IQGAP1: variants seen among roughly 807,000 people sequenced by gnomAD.
IQGAP1 encodes the protein IQ motif containing GTPase activating protein 1, also known as ras GTPase-activating-like protein IQGAP1.
IQGAP1 carries 66 observed loss-of-function variants against 215.6 expected under a neutral mutation model. That is an observed-to-expected ratio of 0.31 (90% CI 0.25 to 0.38). The LOEUF (loss-of-function observed/expected upper bound fraction) is 0.38. IQGAP1 is among the 10% of genes least tolerant of loss of function. The pLI is 1.00. For synonymous variants in IQGAP1, 772 were observed against 728.7 expected, an observed-to-expected ratio of 1.06 and a Z score of -0.96; for missense variants, 1,712 against 1,997.1, an observed-to-expected ratio of 0.86 and a Z score of 2.72.
At chr15:90,484,079 C>T in intron 29 of IQGAP1, 141 bp from the exon 30 acceptor site, 1 of 731,354 alleles carries the variant, frequency 1.4e-6, no homozygotes, top group South Asian at 1.8e-5. Flanking sequence ...TCAAGCACAG[C>T]AAACACACAG....
chr15:90,456,620 T>A (rs1965683996), intron 15 of IQGAP1, among the ~76,000 whole-genome samples: 1 of 150,748 alleles, frequency 6.6e-6, no homozygotes, highest in Admixed American at 6.6e-5. Flanking sequence ...CGCCTTGTAA[T>A]CCCACAGCAC....
At chr15:90,487,649 A>G (rs1438401178) in intron 33 of IQGAP1, 67 bp downstream of exon 33, 1 of 1,064,188 alleles carries the variant, frequency 9.4e-7, no homozygotes, top group African/African-American at 1.6e-5. Context: ...CGCATGTCAG[A>G]GAAAGGAGGG....
chr15:90,463,423 C>T (rs749769683), intron 15 of IQGAP1, among the ~76,000 whole-genome samples: 12 of 152,140 alleles, frequency 7.9e-5, no homozygotes, highest in Non-Finnish European at 1.2e-4. Context: ...TTTTATGATA[C>T]GAGGATTTTT....
At chr15:90,436,003 A>G (rs1156994593) in intron 5 of IQGAP1, among the ~76,000 whole-genome samples, 1 of 150,838 alleles carries the variant, frequency 6.6e-6, no homozygotes, top group Non-Finnish European at 1.5e-5. Flanking sequence ...ATAAGGCTCC[A>G]TCTCCCTTTG....
intron 4 of IQGAP1, among the ~76,000 whole-genome samples, chr15:90,430,787 T>C (rs1467279187): frequency 6.6e-6 from 1 of 151,756 alleles, no homozygotes; most frequent in Non-Finnish European, 1.5e-5. Flanking sequence ...TTTAAAAAAG[T>C]GAGGTGTAGG....
rs1170904355 is a variant in IQGAP1, at chr15:90,484,258, A to G, written c.3827A>G (p.Gln1276Arg). The G allele has an allele frequency of 1.2e-6, 2 of 1,613,922 alleles. No individual in the cohort carries two copies. The highest frequency in any genetic ancestry group is 3.3e-5 in the Admixed American group (2 of 60,002). ...ACTGCTTGTGATGTCCCAGAGCTTC[A>G]GGATAAATTTAATGTGGATGAGTAC... ...FQTACDVPEL[Q>R]DKFNVDEYSD... Residue 1276 changes from glutamine (Q) to arginine (R), a missense_variant, in exon 30 of 38, where the codon CAG becomes CGG. Around this residue, in one of 2 missense-constraint regions of IQGAP1, gnomAD observed 691 missense variants for 923.0 expected, o/e 0.75. Coordinates refer to ENST00000268182, the MANE Select transcript of IQGAP1 (RefSeq NM_003870.4).
chr15:90,468,505 T>G (rs1235899834), intron 18 of IQGAP1, among the ~76,000 whole-genome samples: 1 of 152,212 alleles, frequency 6.6e-6, no homozygotes, highest in South Asian at 2.1e-4. Context: ...AATTCTTTCC[T>G]TCCCTTTGTA....
At chr15:90,484,143 G>A (rs960791699) in intron 29 of IQGAP1, 77 bp from the exon 30 acceptor site, 10 of 1,288,778 alleles carry the variant, frequency 7.8e-6, no homozygotes, top group Non-Finnish European at 1.1e-5. Context: ...CATTGTGTGA[G>A]AGGTTTGTGA....
intron 28 of IQGAP1, chr15:90,482,561 C>A: frequency 2.3e-6 from 1 of 430,996 alleles, no homozygotes; most frequent in Non-Finnish European, 4.1e-6. Flanking sequence ...TAGTATTGTT[C>A]CCTCTGCTGG....
At chr15:90,428,905 G>C (rs1445352889) in intron 3 of IQGAP1, among the ~76,000 whole-genome samples, 1 of 152,148 alleles carries the variant, frequency 6.6e-6, no homozygotes, top group Non-Finnish European at 1.5e-5. Flanking sequence ...AGGCTGGAGT[G>C]CAGTGGTGCC....
intron 26 of IQGAP1, among the ~76,000 whole-genome samples, chr15:90,479,009 T>C (rs1966018163): frequency 6.6e-6 from 1 of 152,146 alleles, no homozygotes; most frequent in African/African-American, 2.4e-5. Context: ...TTTCTGGTTT[T>C]ATTTGTCTTG....
At chr15:90,398,092 G>T (rs1241706304) in intron 2 of IQGAP1, among the ~76,000 whole-genome samples, 2 of 151,310 alleles carry the variant, frequency 1.3e-5, no homozygotes, top group Admixed American at 1.3e-4. Context: ...CACCATGTTG[G>T]CCAGGCTGGT....
At chr15:90,435,056 C>T (rs1367017256) in intron 5 of IQGAP1, among the ~76,000 whole-genome samples, 1 of 152,136 alleles carries the variant, frequency 6.6e-6, no homozygotes, top group East Asian at 1.9e-4. Context: ...AGACTATTGT[C>T]TCCAGTTTCT....
chr15:90,471,883 G>GT (rs1460841591), intron 18 of IQGAP1, among the ~76,000 whole-genome samples: 1 of 118,180 alleles, frequency 8.5e-6, no homozygotes, highest in South Asian at 2.4e-4. Flanking sequence ...AAAGGAGAAG[G>GT]TAGATGTGGA....
At chr15:90,470,456 T>C (rs899455081) in intron 18 of IQGAP1, among the ~76,000 whole-genome samples, 1 of 152,212 alleles carries the variant, frequency 6.6e-6, no homozygotes, top group African/African-American at 2.4e-5. Context: ...AAAATCTGTT[T>C]CTGACAAGCT....
intron 18 of IQGAP1, among the ~76,000 whole-genome samples, chr15:90,468,255 AG>A (rs1965859097): frequency 6.6e-6 from 1 of 152,034 alleles, no homozygotes; most frequent in African/African-American, 2.4e-5. Context: ...AGTAGAGACG[AG>A]GTTTTGCCCT....
chr15:90,450,256 C>G (rs1965583312), intron 11 of IQGAP1, among the ~76,000 whole-genome samples: 1 of 144,206 alleles, frequency 6.9e-6, no homozygotes, highest in Non-Finnish European at 1.5e-5. Flanking sequence ...CTTTCTGTGT[C>G]TGGCTTATTT....
At chr15:90,477,931 G>A (rs1966003298) in intron 26 of IQGAP1, 42 bp downstream of exon 26, 3 of 1,248,088 alleles carry the variant, frequency 2.4e-6, no homozygotes, top group African/African-American at 3.0e-5. Context: ...TGTTGTTATA[G>A]TCTTTCCCTC....
At chr15:90,456,989 A>AT (rs58940509) in intron 15 of IQGAP1, among the ~76,000 whole-genome samples, 56,411 of 146,688 alleles carry the variant, frequency 0.38, 11,759 homozygotes, top group African/African-American at 0.56. Flanking sequence ...CAGAAAAAAA[A>AT]ATATATATAT....
Sources: gnomAD v4.1 joint callset for allele counts (sites outside exome capture counted in the v4.1 genomes callset) on GRCh38, gnomAD v4.1.1 for gene constraint, gnomAD v4.1.1 regional missense constraint, MANE v1.5 for transcripts, NCBI Gene and HGNC (gene_info 2026-07-23, HGNC 2026-07-21) for gene names.